Variants in ADGRL2 observed in about 807,000 individuals in gnomAD.
ADGRL2 encodes the protein adhesion G protein-coupled receptor L2.
Under a neutral mutation model 157.4 loss-of-function variants are expected in ADGRL2, and 44 were observed. The ratio of observed to expected loss-of-function variants is 0.28; its 90% CI spans 0.22 to 0.36. The LOEUF is 0.36. Ranked by LOEUF, ADGRL2 falls within the 10% of genes least tolerant of loss-of-function variation. ADGRL2 has a pLI of 1.00. For synonymous variants in ADGRL2, 585 were observed against 624.7 expected, an observed-to-expected ratio of 0.94 and a Z score of 0.95; for missense variants, 1,510 against 1,768.9, an observed-to-expected ratio of 0.85 and a Z score of 2.63.
intron 2 of ADGRL2, among the ~76,000 whole-genome samples, chr1:81,853,427 G>A (rs781579058): frequency 1.1e-4 from 17 of 152,140 alleles, no homozygotes; most frequent in Non-Finnish European, 2.4e-4. Flanking sequence ...GTGTGAAAAA[G>A]ATGATTGCTT....
chr1:81,438,355 TA>T, intron 1 of ADGRL2, among the ~76,000 whole-genome samples: 1 of 152,298 alleles, frequency 6.6e-6, no homozygotes, highest in Non-Finnish European at 1.5e-5. Context: ...TAATTAAACT[TA>T]AAACAAAGGT....
intron 3 of ADGRL2, chr1:81,596,380 C>T: frequency 2.0e-6 from 1 of 503,414 alleles, no homozygotes; most frequent in Non-Finnish European, 3.9e-6. Context: ...TTTTCCTTTC[C>T]TCCTCTGATC....
intron 2 of ADGRL2, among the ~76,000 whole-genome samples, chr1:81,471,276 A>G (rs1328557688): frequency 6.6e-6 from 1 of 152,212 alleles, no homozygotes; most frequent in Non-Finnish European, 1.5e-5. Flanking sequence ...GGCATTTAAC[A>G]TATCAATACA....
At chr1:81,387,494 C>A (rs932326216) in intron 1 of ADGRL2, among the ~76,000 whole-genome samples, 2 of 152,066 alleles carry the variant, frequency 1.3e-5, no homozygotes, top group Non-Finnish European at 2.9e-5. Context: ...TGTTCACATG[C>A]TTTAAATACT....
intron 2 of ADGRL2, among the ~76,000 whole-genome samples, chr1:81,842,750 C>T (rs1370079220): frequency 6.6e-6 from 1 of 152,024 alleles, no homozygotes; most frequent in Non-Finnish European, 1.5e-5. Flanking sequence ...GGGATAAATG[C>T]TCTGTTTAGT....
intron 1 of ADGRL2, among the ~76,000 whole-genome samples, chr1:81,748,340 G>A (rs1025016513): frequency 2.0e-5 from 3 of 151,706 alleles, no homozygotes; most frequent in South Asian, 4.2e-4. Context: ...AGCTGGGCAC[G>A]CGCCTATAAT....
intron 2 of ADGRL2, among the ~76,000 whole-genome samples, chr1:81,553,272 T>C (rs569254362): frequency 6.6e-6 from 1 of 152,342 alleles, no homozygotes; most frequent in African/African-American, 2.4e-5. Flanking sequence ...TTATAAGCTT[T>C]TAGCATTATT....
chr1:81,670,925 G>T (rs927422727), intron 3 of ADGRL2, among the ~76,000 whole-genome samples: 4 of 152,182 alleles, frequency 2.6e-5, no homozygotes, highest in Non-Finnish European at 5.9e-5. Context: ...GCCCAGGCTG[G>T]TCTCAAACTC....
intron 2 of ADGRL2, among the ~76,000 whole-genome samples, chr1:81,852,435 A>G (rs532010786): frequency 6.6e-6 from 1 of 152,194 alleles, no homozygotes; most frequent in East Asian, 1.9e-4. Flanking sequence ...TGTATGTGGG[A>G]AAAAAATTTT....
At chr1:81,921,231 T>C (rs896692328) in intron 3 of ADGRL2, among the ~76,000 whole-genome samples, 6 of 152,202 alleles carry the variant, frequency 3.9e-5, no homozygotes, top group Non-Finnish European at 8.8e-5. Flanking sequence ...TGATTCCTTA[T>C]GTAGAATATG....
intron 3 of ADGRL2, among the ~76,000 whole-genome samples, chr1:81,645,555 T>C (rs1023232543): frequency 3.9e-5 from 6 of 152,092 alleles, no homozygotes; most frequent in Non-Finnish European, 5.9e-5. Context: ...CCAGAATTTT[T>C]CCATGCATGT....
chr1:81,309,593 C>A (rs1489277189), intron 1 of ADGRL2, among the ~76,000 whole-genome samples: 1 of 152,190 alleles, frequency 6.6e-6, no homozygotes, highest in African/African-American at 2.4e-5. Context: ...ATATCTGATT[C>A]TGATTTTCCA....
intron 1 of ADGRL2, among the ~76,000 whole-genome samples, chr1:81,714,834 A>G (rs899548948): frequency 1.3e-5 from 2 of 150,374 alleles, no homozygotes; most frequent in African/African-American, 4.9e-5. Flanking sequence ...ATTCAAGTAC[A>G]GGTTTGGGCA....
intron 1 of ADGRL2, among the ~76,000 whole-genome samples, chr1:81,411,513 G>T (rs913599046): frequency 8.5e-5 from 13 of 152,300 alleles, no homozygotes; most frequent in Admixed American, 7.2e-4. Flanking sequence ...TGACCTCAAA[G>T]TTAGAAGGTA....
Position 81,823,369 on chromosome 1 carries a change from TC to T in ADGRL2, c.-100-13510del, listed in dbSNP as rs398038121. Among the ~76,000 whole-genome samples the T allele has an allele frequency of 7.0e-5, 7 of 100,396 alleles. No individual in the cohort carries two copies. The East Asian group carries it at 1.8e-3, about 26-fold the overall frequency. The allele number at this position is 100,396 out of a possible 152,430, so 65.9% of individuals were successfully genotyped here. ...CTCCCTCCTTCCCTCCTTCCTTCCC[TC>T]CCCCCTCCCTCTTTCCTTCCCTCCC... On this transcript the variant is annotated intron_variant, in intron 1 of 23. Transcript: ENST00000686636.
intron 2 of ADGRL2, chr1:81,445,137 T>C (rs924758890): frequency 7.2e-5 from 11 of 152,210 alleles, no homozygotes; most frequent in African/African-American, 2.2e-4. Context: ...AATTATGATA[T>C]GAATTCAAGC....
At chr1:81,674,040 A>C (rs550024728) in intron 3 of ADGRL2, among the ~76,000 whole-genome samples, 1 of 152,326 alleles carries the variant, frequency 6.6e-6, no homozygotes, top group African/African-American at 2.4e-5. Context: ...GCAACATTTC[A>C]AAATTTAACA....
In ADGRL2 at chr1:81,850,416, TTA is replaced by T. The variant is rs1222601703; in HGVS notation, c.73+13360_73+13361del. Among the ~76,000 whole-genome samples the T allele has an allele frequency of 6.6e-5, 10 of 152,082 alleles. No homozygotes were observed. In the South Asian group the frequency reaches 1.2e-3, roughly 19 times the overall value. ...ACACTTGATATTTTCATTATTTCCT[TTA>T]AGCTAGTCAATTCTATGACCTGTTT... On this transcript the variant is annotated intron_variant, in intron 2 of 23. Coordinates refer to ENST00000686636, the MANE Select transcript of ADGRL2 (RefSeq NM_001366006.2).
intron 2 of ADGRL2, among the ~76,000 whole-genome samples, chr1:81,467,150 A>G (rs529550774): frequency 6.6e-6 from 1 of 152,170 alleles, no homozygotes. Context: ...TGAGGCTACG[A>G]TACTTTATGG....
Sources: gnomAD v4.1 joint callset for allele counts (sites outside exome capture counted in the v4.1 genomes callset) on GRCh38, gnomAD v4.1.1 for gene constraint, MANE v1.5 for transcripts, NCBI Gene and HGNC (gene_info 2026-07-23, HGNC 2026-07-21) for gene names.